IGF2BP2: variants seen among roughly 807,000 people sequenced by gnomAD.
IGF2BP2 encodes insulin-like growth factor 2 mRNA-binding protein 2.
In IGF2BP2, 17 loss-of-function variants were observed where a neutral mutation model predicts 75.8. The observed-to-expected ratio is 0.22, with a 90% CI of 0.15 to 0.34. IGF2BP2 has a LOEUF of 0.34. Ranked by LOEUF, IGF2BP2 falls within the 10% of genes least tolerant of loss-of-function variation. IGF2BP2 has a pLI of 1.00. For missense variants in IGF2BP2, 516 were observed against 772.4 expected, an observed-to-expected ratio of 0.67 and a Z score of 3.93; for synonymous variants, 288 against 295.6, an observed-to-expected ratio of 0.97 and a Z score of 0.26.
At chr3:185,776,317 C>A (rs1734525826) in intron 2 of IGF2BP2, among the ~76,000 whole-genome samples, 1 of 152,044 alleles carries the variant, frequency 6.6e-6, no homozygotes, top group African/African-American at 2.4e-5. Flanking sequence ...CTCCAAAGAG[C>A]CTTATAGGTA....
In IGF2BP2 at chr3:185,643,754, A is replaced by G. The variant is rs777833620; in HGVS notation, c.*1777T>C. 4 of 144,238 alleles carry G rather than the reference A, an allele frequency of 2.8e-5. No homozygotes were observed. The highest frequency in any genetic ancestry group is 4.6e-5 in the Non-Finnish European group (3 of 65,634). The allele number at this position is 144,238 out of a possible 1,614,324, so 8.9% of individuals were successfully genotyped here. ...GACACCAGGATCTTGTTAGCTGGAT[A>G]TATTTCTGTTTTTTCTTTTTTTTTC... On this transcript the variant is annotated 3_prime_UTR_variant, in exon 16 of 16. Coordinates refer to ENST00000382199, the MANE Select transcript of IGF2BP2 (RefSeq NM_006548.6).
chr3:185,786,798 G>A (rs1444808463), intron 2 of IGF2BP2, among the ~76,000 whole-genome samples: 1 of 151,990 alleles, frequency 6.6e-6, no homozygotes, highest in African/African-American at 2.4e-5. Context: ...AATCTGAAAG[G>A]ACTCCCTGAT....
At chr3:185,712,084 A>G (rs956650269) in intron 2 of IGF2BP2, among the ~76,000 whole-genome samples, 3 of 152,208 alleles carry the variant, frequency 2.0e-5, no homozygotes, top group Non-Finnish European at 2.9e-5. Flanking sequence ...TCAGGAGAGA[A>G]ACTATTAAAG....
intron 2 of IGF2BP2, among the ~76,000 whole-genome samples, chr3:185,720,539 T>C (rs867141685): frequency 1.3e-5 from 2 of 152,254 alleles, no homozygotes; most frequent in Middle Eastern, 3.4e-3. Flanking sequence ...TTGGCTCTGG[T>C]GAGCCAGGGG....
intron 2 of IGF2BP2, among the ~76,000 whole-genome samples, chr3:185,743,094 G>A (rs145577619): frequency 0.012 from 1,794 of 151,946 alleles, 22 homozygotes; most frequent in African/African-American, 0.041. Context: ...GTGAGACTCC[G>A]TCTTAATAAA....
chr3:185,774,845 C>T (rs1214208329), intron 2 of IGF2BP2, among the ~76,000 whole-genome samples: 1 of 151,874 alleles, frequency 6.6e-6, no homozygotes, highest in African/African-American at 2.4e-5. Flanking sequence ...TATGATGAAA[C>T]CCCGTCTCTA....
At chr3:185,686,949 T>C (rs2149305412) in intron 7 of IGF2BP2, 108 bp downstream of exon 7, 3 of 1,244,490 alleles carry the variant, frequency 2.4e-6, no homozygotes, top group Non-Finnish European at 3.4e-6. Context: ...CCTGCCTCTG[T>C]TACTGAGTAA....
chr3:185,742,882 C>T (rs1029996330), intron 2 of IGF2BP2, among the ~76,000 whole-genome samples: 15 of 151,964 alleles, frequency 9.9e-5, no homozygotes, highest in Non-Finnish European at 1.3e-4. Context: ...GGGCAGATCA[C>T]GAGGTCAGGA....
chr3:185,657,517 C>A, intron 11 of IGF2BP2, 115 bp from the exon 12 acceptor site: 1 of 771,548 alleles, frequency 1.3e-6, no homozygotes, highest in Non-Finnish European at 2.1e-6. Flanking sequence ...CCCCGCCACC[C>A]AAGGAAATGG....
chr3:185,783,316 T>C (rs1006121782), intron 2 of IGF2BP2, among the ~76,000 whole-genome samples: 1 of 152,088 alleles, frequency 6.6e-6, no homozygotes, highest in Non-Finnish European at 1.5e-5. Context: ...AACTGCACAA[T>C]GGCCCTCAGG....
chr3:185,676,063 G>C, intron 7 of IGF2BP2, 150 bp from the exon 8 acceptor site: 1 of 921,794 alleles, frequency 1.1e-6, no homozygotes, highest in Non-Finnish European at 1.6e-6. Context: ...GTCCCTCACC[G>C]ACCCCAGTTC....
Position 185,689,056 on chromosome 3 carries a change from A to C in IGF2BP2, c.677+299T>G, listed in dbSNP as rs1577976337. The C allele has an allele frequency of 1.3e-5, 4 of 308,090 alleles. No individual in the cohort carries two copies. In the East Asian group the frequency reaches 2.8e-4, roughly 22 times the overall value. 19.1% of individuals were successfully genotyped at this position (308,090 alleles called of 1,614,324 possible). On this transcript the variant is annotated intron_variant, in intron 6 of 15. Transcript: ENST00000382199. ...GGGTTCTAGGATCCCGCAGAGCTCC[A>C]AACCTCTGCTTTTGTAGAAATCAAT...
chr3:185,755,133 A>G (rs1458395533), intron 2 of IGF2BP2, among the ~76,000 whole-genome samples: 1 of 152,172 alleles, frequency 6.6e-6, no homozygotes, highest in African/African-American at 2.4e-5. Context: ...CCCTCCCACC[A>G]CAGGCCCAGA....
intron 2 of IGF2BP2, among the ~76,000 whole-genome samples, chr3:185,741,808 A>G (rs972172482): frequency 6.6e-6 from 1 of 152,344 alleles, no homozygotes; most frequent in Non-Finnish European, 1.5e-5. Context: ...TAAGCATGTT[A>G]TATCTATGAC....
intron 2 of IGF2BP2, among the ~76,000 whole-genome samples, chr3:185,745,124 T>C (rs1469089360): frequency 6.6e-6 from 1 of 152,204 alleles, no homozygotes; most frequent in Non-Finnish European, 1.5e-5. Flanking sequence ...CACGCTGCTT[T>C]GCACTTCCTC....
chr3:185,813,743 T>C (rs1740227427), intron 2 of IGF2BP2, among the ~76,000 whole-genome samples: 1 of 152,110 alleles, frequency 6.6e-6, no homozygotes, highest in East Asian at 1.9e-4. Context: ...ACAGAACCCA[T>C]ACATTCCAAC....
intron 2 of IGF2BP2, chr3:185,717,269 C>CA (rs1725789265): frequency 1.2e-5 from 2 of 171,236 alleles, no homozygotes; most frequent in South Asian, 2.9e-4. Flanking sequence ...AGATACGTGA[C>CA]TCTGGCATGT....
chr3:185,686,969 AG>A, intron 7 of IGF2BP2, 87 bp downstream of exon 7: 1 of 1,433,776 alleles, frequency 7.0e-7, no homozygotes, highest in Non-Finnish European at 9.6e-7. Flanking sequence ...ACAGATTTGG[AG>A]TTTTTAAAAA....
At chr3:185,676,080 T>G (rs929011519) in intron 7 of IGF2BP2, among the ~76,000 whole-genome samples, 167 bp from the exon 8 acceptor site, 4 of 152,182 alleles carry the variant, frequency 2.6e-5, no homozygotes, top group Non-Finnish European at 4.4e-5. Context: ...GTTCATGAAT[T>G]TTGATTAACA....
Sources: gnomAD v4.1 joint callset for allele counts (sites outside exome capture counted in the v4.1 genomes callset) on GRCh38, gnomAD v4.1.1 for gene constraint, MANE v1.5 for transcripts, NCBI Gene and HGNC (gene_info 2026-07-23, HGNC 2026-07-21) for gene names.